The following DPEP3 variants were observed in gnomAD, a reference collection of about 807,000 sequenced individuals.
DPEP3 encodes the protein dipeptidase 3.
Under a neutral mutation model 47.5 loss-of-function variants are expected in DPEP3, and 42 were observed. The observed-to-expected ratio is 0.88, with a 90% CI of 0.69 to 1.14. The LOEUF is 1.14. DPEP3 is among the 50% of genes most tolerant of loss of function. The probability of loss-of-function intolerance (pLI) is 0.00; values close to 1 mark genes in which losing one functional copy is unlikely to be tolerated. For synonymous variants in DPEP3, 276 were observed against 270.2 expected (o/e 1.02, Z -0.21); for missense variants, 560 against 635.0 (o/e 0.88, Z 1.27).
rs2031191417 is a variant in DPEP3, at chr16:67,976,153, C to T, written c.1170G>A (p.Glu390=). The T allele has an allele frequency of 6.2e-7, 1 of 1,614,218 alleles. No individual in the cohort carries two copies. Among genetic ancestry groups the T allele is most frequent in the African/African-American group, 1.3e-5 (1 of 75,058 alleles). ...CACGAAGGACACCTTGAAGCTCTTC[C>T]TCGCTCCAGCTACGACTCAGCAACT... ...IEELLSRSWS[E]EELQGVLRGN... The change falls in exon 9 of 10, where the codon GAG becomes GAA. Residue 390 remains glutamate, a synonymous_variant. Transcript: ENST00000268793.
chr16:67,975,850 C>CA lies in DPEP3; in HGVS notation c.1381dup (p.Trp461LeufsTer56), dbSNP rs1320346975. The stretch of plus-strand genomic sequence containing the variant: ...GTATGGGGAGGCATTTGAGGACCTC[C>CA]AGGGGACCCGATTGGTTGGCTGCTT... On this transcript the variant is annotated frameshift_variant, in exon 10 of 10. Coordinates refer to ENST00000268793, the MANE Select transcript of DPEP3 (RefSeq NM_001370198.1). LOFTEE classifies it high-confidence loss of function. 1.8e-5 allele frequency: 29 copies of CA among 1,613,912 alleles called. No individual in the cohort carries two copies. Among genetic ancestry groups the CA allele is most frequent in the Non-Finnish European group, 2.5e-5 (29 of 1,179,854 alleles).
chr16:67,978,326 G>T lies in DPEP3; in HGVS notation c.627C>A (p.Arg209=). The T allele has an allele frequency of 1.9e-6, 3 of 1,614,140 alleles. No homozygotes were observed. The East Asian group carries it at 6.7e-5, about 36-fold the overall frequency. ...AGCGCACCCCCAGCACATAGAAACT[G>T]CGCAGCACAGAGAGGCTGCTGTCCA... is the stretch of plus-strand genomic sequence containing the variant. ...HSLDSSLSVL[R]SFYVLGVRYL... The change falls in exon 4 of 10, where the codon CGC becomes CGA. Residue 209 remains arginine, a synonymous_variant. Coordinates refer to ENST00000268793, the MANE Select transcript of DPEP3 (RefSeq NM_001370198.1). The surrounding 1 kb of genome is among the most constrained non-coding windows in gnomAD (Gnocchi z 4.4).
At position 67,976,141 on chromosome 16, in the gene DPEP3, T is replaced by G. The variant is rs753738476; in HGVS notation, c.1182A>C (p.Gln394His). 7 of 1,614,218 alleles carry G rather than the reference T, an allele frequency of 4.3e-6. No homozygotes were observed. The Admixed American group carries it at 1.0e-4, about 23-fold the overall frequency. The change falls in exon 9 of 10, where the codon CAA (glutamine) becomes CAC (histidine). Residue 394 changes from glutamine (Q) to histidine (H), a missense_variant. Gln to His is a conservative substitution (Grantham distance 24). Transcript: ENST00000268793. ...GCAGCAGGTTTCCACGAAGGACACC[T>G]TGAAGCTCTTCCTCGCTCCAGCTAC... ...LSRSWSEEELQGVLRGNLLRV... is the reference protein window; with the variant it reads ...LSRSWSEEELHGVLRGNLLRV...
chr16:67,980,313 A>G lies in DPEP3; in HGVS notation c.68T>C (p.Leu23Pro), dbSNP rs1002906056. 4 of 1,562,390 alleles carry G rather than the reference A, an allele frequency of 2.6e-6. No homozygotes were observed. Among genetic ancestry groups the G allele is most frequent in the Non-Finnish European group, 3.5e-6 (4 of 1,155,104 alleles). ...CTGCCGCAGCAGCAGCAGCAGTAGC[A>G]GGAGCAGCAGACGCCGCAGATACCG... ...SRRYLRRLLL[L>P]LLLLLLRQPV... Residue 23 changes from leucine to proline, a missense_variant, in exon 1 of 10, where the codon CTG becomes CCG. By Grantham distance (98) the Leu-to-Pro change is moderately conservative. Transcript: ENST00000268793.
Position 67,980,470 on chromosome 16 carries a change from C to T in DPEP3, c.-90G>A, listed in dbSNP as rs1407643785. On this transcript the variant is annotated 5_prime_UTR_variant, in exon 1 of 10. Transcript: ENST00000268793. ...GTCCGGATCATGACGACCCAGCCTC[C>T]CGAAGAGGGGGTTGAAGTCACGCGA... The T allele has an allele frequency of 2.8e-6, 4 of 1,438,872 alleles. No individual in the cohort carries two copies. Among genetic ancestry groups the T allele is most frequent in the Non-Finnish European group, 3.6e-6 (4 of 1,096,286 alleles). The allele number at this position is 1,438,872 out of a possible 1,614,324, so 89.1% of individuals were successfully genotyped here.
intron 7 of DPEP3, 77 bp downstream of exon 7, chr16:67,977,193 A>G: frequency 1.5e-6 from 2 of 1,343,886 alleles, no homozygotes; most frequent in Middle Eastern, 1.8e-4. Flanking sequence ...CAGGTGCACT[A>G]GACTGCTAGA....
rs2031283178 is a variant in DPEP3, at chr16:67,979,803, G to C, written c.288-38C>G. The C allele has an allele frequency of 1.9e-6, 3 of 1,610,698 alleles. No homozygotes were observed. The South Asian group carries it at 3.3e-5, about 18-fold the overall frequency. ...AGGTCAGATGGAAACACCGCCTCCA[G>C]ATCAGTCAGGATATATCAGGTGCTT... On this transcript the variant is annotated intron_variant, in intron 1 of 9. Coordinates refer to ENST00000268793, the MANE Select transcript of DPEP3 (RefSeq NM_001370198.1).
Position 67,975,923 on chromosome 16 carries a change from G to A in DPEP3, c.1309C>T (p.His437Tyr), listed in dbSNP as rs368782814. ...YGQLSTSCHS[H>Y]LVPQNGHQAT... is the part of the protein sequence containing the mutation. Reference sequence around the variant, plus strand: ...TGGTGTCCATTCTGAGGCACGAGGTGGGAGTGGCAGGATGTGCTCAGTTGC... The same window carrying A: ...TGGTGTCCATTCTGAGGCACGAGGTAGGAGTGGCAGGATGTGCTCAGTTGC... The change falls in exon 10 of 10, where the codon CAC (histidine) becomes TAC (tyrosine). Residue 437 changes from histidine (H) to tyrosine (Y), a missense_variant. By Grantham distance (83) the His-to-Tyr change is moderately conservative (BLOSUM62 2). Transcript: ENST00000268793. 4.3e-6 allele frequency: 7 copies of A among 1,613,802 alleles called. No individual in the cohort carries two copies. The highest frequency in any genetic ancestry group is 5.1e-6 in the Non-Finnish European group (6 of 1,179,870).
intron 6 of DPEP3, 98 bp downstream of exon 6, chr16:67,977,555 T>C: frequency 6.9e-7 from 1 of 1,445,432 alleles, no homozygotes; most frequent in South Asian, 1.4e-5. Context: ...CAGCCTTTGG[T>C]CCAAGGGTGT....
At chr16:67,976,941 G>A (rs2031209285) in intron 7 of DPEP3, among the ~76,000 whole-genome samples, 166 bp from the exon 8 acceptor site, 2 of 152,180 alleles carry the variant, frequency 1.3e-5, no homozygotes, top group African/African-American at 2.4e-5. Context: ...GTGGACCTTG[G>A]AGCCACCCCT....
In DPEP3 at chr16:67,978,399, C is replaced by G; in HGVS notation, c.554G>C (p.Ser185Thr). ...ELVTSAEGLN[S>T]SQKLACLIGV... is the part of the protein sequence containing the mutation. The stretch of plus-strand genomic sequence containing the variant: ...AATGAGGCAGGCCAGCTTTTGAGAG[C>G]TGTTCAGACCTAGAAGGAGGTAGAG... Residue 185 changes from serine (S) to threonine (T), a missense_variant, in exon 4 of 10, where the codon AGC (serine) becomes ACC (threonine). Coordinates refer to ENST00000268793, the MANE Select transcript of DPEP3 (RefSeq NM_001370198.1). This position sits in a 1 kb window ranked among gnomAD's most constrained non-coding sequence, Gnocchi z 4.4. 1.9e-6 allele frequency: 3 copies of G among 1,614,024 alleles called. No homozygotes were observed. Among genetic ancestry groups the G allele is most frequent in the Non-Finnish European group, 2.5e-6 (3 of 1,179,904 alleles).
Position 67,978,060 on chromosome 16 carries a change from C to T in DPEP3, c.687-53G>A. ...TAGCTGATCACACCTTGGGCCATCACAGCCTGGGGGCCCTGGCTCTATCCA... is the reference window on the plus strand; with the variant it reads ...TAGCTGATCACACCTTGGGCCATCATAGCCTGGGGGCCCTGGCTCTATCCA... On this transcript the variant is annotated intron_variant, in intron 4 of 9. Transcript: ENST00000268793. The surrounding 1 kb of genome is among the most constrained non-coding windows in gnomAD (Gnocchi z 4.4). 2 of 1,604,300 alleles carry T rather than the reference C, an allele frequency of 1.2e-6. No individual in the cohort carries two copies. Among genetic ancestry groups the T allele is most frequent in the South Asian group, 2.2e-5 (2 of 90,836 alleles).
chr16:67,977,685 A>C lies in DPEP3; in HGVS notation c.901T>G (p.Leu301Val). 6.2e-7 allele frequency: 1 copy of C among 1,612,556 alleles called. No individual in the cohort carries two copies. The highest frequency in any genetic ancestry group is 8.5e-7 in the Non-Finnish European group (1 of 1,179,308). Residue 301 changes from leucine (L) to valine (V), a missense_variant, in exon 6 of 10, where the codon TTG (leucine) becomes GTG (valine). By Grantham distance (32) the Leu-to-Val change is conservative. Transcript: ENST00000268793. ...TGCAGGATATCATCGGGAACATTCA[A>C]CAAATTGTCACACACAGCTCTGGCA... ...SAARAVCDNL[L>V]NVPDDILQLL... is the part of the protein sequence containing the mutation.
At chr16:67,977,601 A>G (rs961750292) in intron 6 of DPEP3, 52 bp downstream of exon 6, 5 of 1,563,714 alleles carry the variant, frequency 3.2e-6, no homozygotes, top group Non-Finnish European at 4.3e-6. Context: ...GCTCAGGGTC[A>G]AGAACCTTTG....
intron 8 of DPEP3, 79 bp downstream of exon 8, chr16:67,976,621 A>C: frequency 7.3e-7 from 1 of 1,360,544 alleles, no homozygotes; most frequent in Non-Finnish European, 1.0e-6. Context: ...CCTGGATGGG[A>C]GGACGTCAGG....
Position 67,975,688 on chromosome 16 carries a change from G to T in DPEP3, c.*77C>A. 1 of 1,348,804 alleles carries T rather than the reference G, an allele frequency of 7.4e-7. No individual in the cohort carries two copies. The highest frequency in any genetic ancestry group is 1.0e-6 in the Non-Finnish European group (1 of 971,898). 83.6% of individuals were successfully genotyped at this position (1,348,804 alleles called of 1,614,324 possible). ...TCCATGTGTAACATGTTTATTCTCA[G>T]CATATGCTTGTGAATGAACTAGGAG... On this transcript the variant is annotated 3_prime_UTR_variant, in exon 10 of 10. Transcript: ENST00000268793.
At chr16:67,977,148 C>T in intron 7 of DPEP3, 122 bp downstream of exon 7, 1 of 803,214 alleles carries the variant, frequency 1.2e-6, no homozygotes, top group Non-Finnish European at 2.0e-6. Context: ...GTGTCTGCTG[C>T]CTCTGGGTCG....
chr16:67,977,158 G>A (rs1235668728), intron 7 of DPEP3, 112 bp downstream of exon 7: 31 of 901,664 alleles, frequency 3.4e-5, no homozygotes, highest in Non-Finnish European at 4.9e-5. Flanking sequence ...CCTCTGGGTC[G>A]TTGGGAGGTC....
rs1275776057 is a variant in DPEP3 at position 67,977,337 on chromosome 16, G to A, written c.951C>T (p.Ile317=). 3.7e-6 allele frequency: 6 copies of A among 1,613,716 alleles called. No individual in the cohort carries two copies. The highest frequency in any genetic ancestry group is 2.7e-5 in the African/African-American group (2 of 74,912). Residue 317 remains isoleucine (I), a synonymous_variant, in exon 7 of 10, where the codon ATC becomes ATT. Coordinates refer to ENST00000268793, the MANE Select transcript of DPEP3 (RefSeq NM_001370198.1). ...CCCCCATGGACAGTGTCACCATCACGATGCCACCGTTCTTCTTCTAGAGGG... is the reference window on the plus strand; with the variant it reads ...CCCCCATGGACAGTGTCACCATCACAATGCCACCGTTCTTCTTCTAGAGGG... The part of the protein sequence containing the change: ...ILQLLKKNGG[I]VMVTLSMGVL...
Sources: gnomAD v4.1 joint callset for allele counts (sites outside exome capture counted in the v4.1 genomes callset) on GRCh38, gnomAD v4.1.1 for gene constraint, Gnocchi (gnomAD v3.1) non-coding constraint, MANE v1.5 for transcripts, NCBI Gene and HGNC (gene_info 2026-07-23, HGNC 2026-07-21) for gene names.